RARB: variants seen among roughly 807,000 people sequenced by gnomAD.
RARB encodes the protein retinoic acid receptor beta.
A neutral mutation model predicts 51.9 loss-of-function variants in RARB; 17 were observed. The ratio of observed to expected loss-of-function variants is 0.33; its 90% CI spans 0.22 to 0.49. The LOEUF (loss-of-function observed/expected upper bound fraction) is 0.49. Ranked by LOEUF, RARB falls within the 20% of genes least tolerant of loss-of-function variation. The pLI, the probability that RARB is intolerant of heterozygous loss-of-function variation, is 0.99. For synonymous variants in RARB, 215 were observed against 195.4 expected, an observed-to-expected ratio of 1.10 and a Z score of -0.84; for missense variants, 369 against 550.8, an observed-to-expected ratio of 0.67 and a Z score of 3.30.
In RARB at chr3:25,593,697, A is replaced by G. The variant is rs1245610432; in HGVS notation, c.981A>G (p.Leu327=). The G allele has an allele frequency of 1.9e-6, 3 of 1,613,922 alleles. No homozygotes were observed. Among genetic ancestry groups the G allele is most frequent in the Non-Finnish European group, 1.7e-6 (2 of 1,179,806 alleles). The change falls in exon 6 of 8, where the codon TTA becomes TTG. Residue 327 remains leucine (L), a synonymous_variant. Coordinates refer to ENST00000330688, the MANE Select transcript of RARB (RefSeq NM_000965.5). ...TETGLLSAIC[L]ICGDRQDLEE... ...CAGGCCTTCTCAGTGCCATCTGCTT[A>G]ATCTGTGGAGGTACCAACTATGTAG...
chr3:25,175,254 T>A (rs1700720725), intron 5 of RARB, among the ~76,000 whole-genome samples: 1 of 152,214 alleles, frequency 6.6e-6, no homozygotes, highest in African/African-American at 2.4e-5. Flanking sequence ...TTCTGCCTGT[T>A]TAAAGACAAA....
chr3:25,585,821 G>T (rs183139545), intron 5 of RARB, among the ~76,000 whole-genome samples: 5 of 152,278 alleles, frequency 3.3e-5, no homozygotes, highest in African/African-American at 1.2e-4. Flanking sequence ...GCTCAGAGAG[G>T]GGAAGTGACT....
intron 3 of RARB, among the ~76,000 whole-genome samples, chr3:25,065,753 G>T (rs1358273463): frequency 1.3e-5 from 2 of 152,132 alleles, no homozygotes; most frequent in African/African-American, 4.8e-5. Flanking sequence ...AACTTATGTG[G>T]GTCACACACA....
At chr3:25,424,398 C>T (rs1490808559), upstream of RARB, among the ~76,000 whole-genome samples, 2 of 152,216 alleles carry the variant, frequency 1.3e-5, no homozygotes, top group Admixed American at 6.5e-5. Flanking sequence ...AGCAGCTCTG[C>T]CTGCTAGTAT....
At chr3:25,249,466 T>C (rs1702650182) in intron 5 of RARB, among the ~76,000 whole-genome samples, 1 of 152,154 alleles carries the variant, frequency 6.6e-6, no homozygotes, top group South Asian at 2.1e-4. Context: ...TGCTGGAAAA[T>C]TGTTGTGATC....
intron 1 of RARB, among the ~76,000 whole-genome samples, chr3:25,434,779 A>G (rs774768221): frequency 5.3e-5 from 8 of 151,758 alleles, no homozygotes; most frequent in Non-Finnish European, 1.2e-4. Flanking sequence ...TGACCTCGTG[A>G]TCTGCCCACC....
rs144724381 is a variant in RARB at position 25,325,821 on chromosome 3, G to A, written c.179-135372G>A. On this transcript the variant is annotated intron_variant, in intron 5 of 11. Transcript: ENST00000383772. ...GGAAGCCAAAAACAAAGTGGGGGGC[G>A]GGGGGAAGAAAGAGCTTTTGGAAAT... is the stretch of plus-strand genomic sequence containing the variant. Among the ~76,000 whole-genome samples, 739 of 151,580 alleles carry A rather than the reference G, an allele frequency of 4.9e-3. 6 individuals carry two copies. Among genetic ancestry groups the A allele is most frequent in the African/African-American group, 0.017 (704 of 41,218 alleles).
At chr3:24,850,445 G>T (rs1217725159) in intron 1 of RARB, among the ~76,000 whole-genome samples, 1 of 152,312 alleles carries the variant, frequency 6.6e-6, no homozygotes, top group African/African-American at 2.4e-5. Flanking sequence ...GGCTCAACAG[G>T]ATGGGGATGT....
At chr3:25,076,929 T>C (rs747339678) in intron 3 of RARB, among the ~76,000 whole-genome samples, 1 of 152,314 alleles carries the variant, frequency 6.6e-6, no homozygotes, top group African/African-American at 2.4e-5. Flanking sequence ...TGGTCCAATA[T>C]GATGGGAGCT....
At chr3:24,903,559 T>C (rs1694768760) in intron 2 of RARB, among the ~76,000 whole-genome samples, 1 of 152,166 alleles carries the variant, frequency 6.6e-6, no homozygotes, top group African/African-American at 2.4e-5. Context: ...GTCAGCTTAA[T>C]ATGAAAGGGG....
At chr3:24,838,881 A>G (rs1702379970) in intron 1 of RARB, among the ~76,000 whole-genome samples, 1 of 151,854 alleles carries the variant, frequency 6.6e-6, no homozygotes, top group South Asian at 2.1e-4. Context: ...AGGGTTTAGA[A>G]ATCTGAATTT....
At chr3:24,877,949 A>T (rs1013568877) in intron 2 of RARB, among the ~76,000 whole-genome samples, 1 of 152,188 alleles carries the variant, frequency 6.6e-6, no homozygotes, top group Admixed American at 6.5e-5. Flanking sequence ...ACAGACATGC[A>T]TTTAGCTGAA....
At chr3:25,410,083 A>C (rs967665053) in intron 5 of RARB, among the ~76,000 whole-genome samples, 2 of 152,324 alleles carry the variant, frequency 1.3e-5, no homozygotes, top group Admixed American at 6.5e-5. Context: ...TCCGTTCATC[A>C]TTCCCTCTTG....
intron 2 of RARB, among the ~76,000 whole-genome samples, chr3:24,924,344 T>A (rs1695274258): frequency 6.6e-6 from 1 of 152,156 alleles, no homozygotes; most frequent in Non-Finnish European, 1.5e-5. Context: ...AATGGGACAG[T>A]CAAATAGGAT....
chr3:25,437,557 A>G (rs1374334665), intron 1 of RARB, among the ~76,000 whole-genome samples: 1 of 152,192 alleles, frequency 6.6e-6, no homozygotes, highest in Non-Finnish European at 1.5e-5. Context: ...TCGTTGTCAC[A>G]TAACCCCCTT....
At chr3:25,292,850 G>C (rs551318955) in intron 5 of RARB, among the ~76,000 whole-genome samples, 2 of 152,254 alleles carry the variant, frequency 1.3e-5, no homozygotes, top group Non-Finnish European at 2.9e-5. Flanking sequence ...CCTATTCGAG[G>C]CTGGTCACTT....
At chr3:25,296,694 A>G (rs1013067883) in intron 5 of RARB, among the ~76,000 whole-genome samples, 3 of 152,206 alleles carry the variant, frequency 2.0e-5, no homozygotes, top group African/African-American at 7.2e-5. Flanking sequence ...TTCCCTGTCC[A>G]AATTGTTTAC....
At chr3:25,253,443 A>G (rs553971376) in intron 5 of RARB, among the ~76,000 whole-genome samples, 4 of 152,276 alleles carry the variant, frequency 2.6e-5, no homozygotes, top group African/African-American at 4.8e-5. Context: ...ACCCTGAAGG[A>G]TCTATAAAAT....
chr3:24,902,546 C>G (rs1209476674), intron 2 of RARB, among the ~76,000 whole-genome samples: 1 of 152,218 alleles, frequency 6.6e-6, no homozygotes. Context: ...GTAATTTGGT[C>G]TGGGTTGGGA....
Sources: allele counts gnomAD v4.1 joint callset (sites outside exome capture counted in the v4.1 genomes callset), GRCh38; gene constraint gnomAD v4.1.1; transcripts MANE v1.5; gene names NCBI Gene and HGNC (gene_info 2026-07-23, HGNC 2026-07-21).